The following MTPAP variants were observed in gnomAD, a reference collection of about 807,000 sequenced individuals.
MTPAP encodes the protein mitochondrial poly(A) polymerase, also known as poly(A) RNA polymerase, mitochondrial.
In MTPAP, 23 loss-of-function variants were observed where a neutral mutation model predicts 48.7. The observed-to-expected ratio is 0.47, with a 90% CI of 0.34 to 0.67. MTPAP has a LOEUF of 0.67. MTPAP is among the 30% of genes least tolerant of loss of function. MTPAP has a pLI of 0.01. For missense variants in MTPAP, 614 were observed against 694.3 expected (o/e 0.88, Z 1.30); for synonymous variants, 257 against 254.1 (o/e 1.01, Z -0.11).
Position 30,313,421 on chromosome 10 carries a change from A to T in MTPAP, c.*188T>A. On this transcript the variant is annotated 3_prime_UTR_variant, in exon 9 of 9. Transcript: ENST00000263063. ...CTGATGTTTTAATAAAGTGCCACTG[A>T]GTATCAGACTGATCAAACTGAAAAC... 1 of 728,068 alleles carries T rather than the reference A, an allele frequency of 1.4e-6. No individual in the cohort carries two copies. The highest frequency in any genetic ancestry group is 2.3e-6 in the Non-Finnish European group (1 of 440,562). 45.1% of individuals were successfully genotyped at this position (728,068 alleles called of 1,614,324 possible).
intron 4 of MTPAP, among the ~76,000 whole-genome samples, chr10:30,330,864 G>A (rs1465928206): frequency 6.6e-6 from 1 of 152,232 alleles, no homozygotes; most frequent in Non-Finnish European, 1.5e-5. Context: ...CGCAGGTGGA[G>A]ATGAAACACT....
intron 1 of MTPAP, among the ~76,000 whole-genome samples, chr10:30,347,766 C>T (rs1834889158): frequency 6.6e-6 from 1 of 152,184 alleles, no homozygotes. Flanking sequence ...TGCCACGTGC[C>T]TGTAATCCCA....
At position 30,340,337 on chromosome 10, in the gene MTPAP, G is replaced by A. The variant is rs1371681870; in HGVS notation, c.444C>T (p.Phe148=). The A allele has an allele frequency of 1.9e-6, 3 of 1,614,006 alleles. No individual in the cohort carries two copies. Among genetic ancestry groups the A allele is most frequent in the African/African-American group, 1.3e-5 (1 of 74,934 alleles). The change falls in exon 3 of 9, where the codon TTC becomes TTT. Residue 148 remains phenylalanine (F), a synonymous_variant. Coordinates refer to ENST00000263063, the MANE Select transcript of MTPAP (RefSeq NM_018109.4). ...METAIPFRSR[F]FNLKLKNQTS... is the part of the protein sequence containing the mutation. ...TCTGGTTTTTCAACTTCAGATTGAA[G>A]AAACGTGATCTGAATGGAATTGCAG...
In MTPAP at chr10:30,314,884, C is replaced by CAAAAAAA. The variant is rs34249388; in HGVS notation, c.1387-920_1387-914dup. Among the ~76,000 whole-genome samples the CAAAAAAA allele has an allele frequency of 5.6e-4, 62 of 110,722 alleles. 4 individuals are homozygous for CAAAAAAA. The highest frequency in any genetic ancestry group is 2.1e-3 in the East Asian group (8 of 3,798). The allele number at this position is 110,722 out of a possible 152,430, so 72.6% of individuals were successfully genotyped here. On this transcript the variant is annotated intron_variant, in intron 8 of 8. Transcript: ENST00000263063. ...GAGACTCTGTCTCAAAAAACAAAAACAAAAAAAAAAAAAAAAAAAAAGAAG... is the reference window on the plus strand; with the variant it reads ...GAGACTCTGTCTCAAAAAACAAAAACAAAAAAAAAAAAAAAAAAAAAAAAAAAAGAAG...
At chr10:30,332,990 G>C (rs368490032) in intron 4 of MTPAP, among the ~76,000 whole-genome samples, 1 of 151,284 alleles carries the variant, frequency 6.6e-6, no homozygotes, top group African/African-American at 2.4e-5. Context: ...GCGTGGTGGC[G>C]GGCGCCTGTA....
At chr10:30,338,106 A>T (rs780947202) in intron 3 of MTPAP, among the ~76,000 whole-genome samples, 1 of 151,464 alleles carries the variant, frequency 6.6e-6, no homozygotes, top group African/African-American at 2.4e-5. Context: ...AAAAAAAAAA[A>T]TACAAAAACT....
rs1367162177 is a variant in MTPAP, at chr10:30,324,657, A to T, written c.992+1767T>A. On this transcript the variant is annotated intron_variant, in intron 5 of 8. Coordinates refer to ENST00000263063, the MANE Select transcript of MTPAP (RefSeq NM_018109.4). ...AAGAACCAACAGATGGCATAAAAAA[A>T]TAATTTAACAGCATCAAGTTAAAAC... 2.6e-5 allele frequency among the ~76,000 whole-genome samples: 4 copies of T among 152,228 alleles called. No individual in the cohort carries two copies. The East Asian group carries it at 5.8e-4, about 22-fold the overall frequency.
rs1287439776 is a variant in MTPAP at position 30,312,824 on chromosome 10, C to T, written c.*785G>A. 1.3e-5 allele frequency: 2 copies of T among 152,078 alleles called. No homozygotes were observed. The highest frequency in any genetic ancestry group is 6.5e-5 in the Admixed American group (1 of 15,272). The allele number at this position is 152,078 out of a possible 1,614,324, so 9.4% of individuals were successfully genotyped here. On this transcript the variant is annotated 3_prime_UTR_variant, in exon 9 of 9. Coordinates refer to ENST00000263063, the MANE Select transcript of MTPAP (RefSeq NM_018109.4). ...ATGTGAAGGAATACTGGGAATATCA[C>T]ATTTTAGTTAGAAACAGAATTTTAT...
At chr10:30,317,428 A>G (rs1163862087) in intron 6 of MTPAP, among the ~76,000 whole-genome samples, 1 of 152,246 alleles carries the variant, frequency 6.6e-6, no homozygotes, top group African/African-American at 2.4e-5. Flanking sequence ...TAATTCAGCA[A>G]AACAAACTCA....
intron 4 of MTPAP, among the ~76,000 whole-genome samples, chr10:30,333,993 G>C (rs1292091136): frequency 6.6e-6 from 1 of 152,016 alleles, no homozygotes; most frequent in Non-Finnish European, 1.5e-5. Context: ...AATTCAATAA[G>C]CATATGGTGA....
intron 4 of MTPAP, among the ~76,000 whole-genome samples, chr10:30,333,189 T>C (rs1834691760): frequency 6.6e-6 from 1 of 152,156 alleles, no homozygotes; most frequent in Admixed American, 6.5e-5. Flanking sequence ...CTCCTGCCTG[T>C]TTCCACCAAA....
At chr10:30,343,577 T>C (rs949213610) in intron 1 of MTPAP, among the ~76,000 whole-genome samples, 3 of 152,210 alleles carry the variant, frequency 2.0e-5, no homozygotes, top group East Asian at 3.9e-4. Flanking sequence ...TTTTCTTTTT[T>C]TTTTTAAAGA....
intron 1 of MTPAP, among the ~76,000 whole-genome samples, chr10:30,347,798 G>A (rs1042551026): frequency 6.6e-6 from 1 of 152,128 alleles, no homozygotes; most frequent in Non-Finnish European, 1.5e-5. Context: ...GGCTGAGGCA[G>A]GAGAATCACT....
intron 3 of MTPAP, among the ~76,000 whole-genome samples, chr10:30,338,832 C>T (rs1834761861): frequency 6.6e-6 from 1 of 151,980 alleles, no homozygotes; most frequent in Non-Finnish European, 1.5e-5. Context: ...GAGTAAGAAA[C>T]ACCAAGACAG....
intron 1 of MTPAP, among the ~76,000 whole-genome samples, chr10:30,342,495 T>C (rs1834823183): frequency 6.6e-6 from 1 of 151,680 alleles, no homozygotes; most frequent in Admixed American, 6.6e-5. Context: ...CCACTTTCTC[T>C]GTTTTGATTT....
At chr10:30,319,254 T>C (rs571293404) in intron 6 of MTPAP, among the ~76,000 whole-genome samples, 7 of 152,232 alleles carry the variant, frequency 4.6e-5, no homozygotes, top group African/African-American at 1.7e-4. Context: ...GTGAAAAAGT[T>C]TGGTCTTTAG....
At chr10:30,330,527 T>A (rs1588716948) in intron 4 of MTPAP, among the ~76,000 whole-genome samples, 1 of 152,222 alleles carries the variant, frequency 6.6e-6, no homozygotes, top group East Asian at 1.9e-4. Context: ...GTACTATAAA[T>A]GAGAGAATAA....
chr10:30,323,533 G>A (rs1036075562), intron 5 of MTPAP, among the ~76,000 whole-genome samples: 7 of 151,844 alleles, frequency 4.6e-5, no homozygotes, highest in East Asian at 3.9e-4. Flanking sequence ...TATTTGAGAC[G>A]GAGTCTCGCT....
intron 4 of MTPAP, among the ~76,000 whole-genome samples, chr10:30,335,972 T>C (rs1834726666): frequency 6.6e-6 from 1 of 151,894 alleles, no homozygotes; most frequent in Non-Finnish European, 1.5e-5. Context: ...ATTGCACCAT[T>C]GCACTCCAGG....
Sources: allele counts gnomAD v4.1 joint callset (sites outside exome capture counted in the v4.1 genomes callset), GRCh38; gene constraint gnomAD v4.1.1; transcripts MANE v1.5; gene names NCBI Gene and HGNC (gene_info 2026-07-23, HGNC 2026-07-21).